The following ANKRD18A variants were observed in gnomAD, a reference collection of about 807,000 sequenced individuals.
The protein encoded by ANKRD18A is ankyrin repeat domain-containing protein 18A.
Under a neutral mutation model 110.6 loss-of-function variants are expected in ANKRD18A, and 72 were observed. The ratio of observed to expected loss-of-function variants is 0.65; its 90% CI spans 0.54 to 0.79. ANKRD18A has a LOEUF of 0.79. Ranked by LOEUF, ANKRD18A falls within the 30% of genes least tolerant of loss-of-function variation. ANKRD18A has a pLI of 0.00. For missense variants in ANKRD18A, 934 were observed against 1,163.3 expected, an observed-to-expected ratio of 0.80 and a Z score of 2.87; for synonymous variants, 305 against 410.3, an observed-to-expected ratio of 0.74 and a Z score of 3.10.
intron 8 of ANKRD18A, among the ~76,000 whole-genome samples, chr9:38,599,773 A>G (rs1825044551): frequency 6.6e-6 from 1 of 152,132 alleles, no homozygotes. Flanking sequence ...ATTGTAATGA[A>G]TTTTAAAGGA....
intron 11 of ANKRD18A, among the ~76,000 whole-genome samples, chr9:38,587,551 T>C (rs1412850371): frequency 6.6e-6 from 1 of 152,188 alleles, no homozygotes; most frequent in Non-Finnish European, 1.5e-5. Context: ...TTCCATGATA[T>C]GTTTTATATC....
chr9:38,603,223 T>A lies in ANKRD18A; in HGVS notation c.809-11A>T. ...TCATAGCTGCTGTTTCTGTCAAACA[T>A]GCAAACTTGTTAGATATTCCTTCTG... On this transcript the variant is annotated splice_polypyrimidine_tract_variant and intron_variant, in intron 6 of 15. Coordinates refer to ENST00000399703, the MANE Select transcript of ANKRD18A (RefSeq NM_147195.4). 6.4e-7 allele frequency: 1 copy of A among 1,551,034 alleles called. No individual in the cohort carries two copies. Among genetic ancestry groups the A allele is most frequent in the Non-Finnish European group, 8.7e-7 (1 of 1,146,578 alleles).
chr9:38,605,625 T>G (rs186820450), intron 6 of ANKRD18A, among the ~76,000 whole-genome samples: 1 of 151,982 alleles, frequency 6.6e-6, no homozygotes. Context: ...CAGAGTATGG[T>G]TTTTTTTGAG....
At chr9:38,600,858 GGAA>G (rs1455491405) in intron 8 of ANKRD18A, among the ~76,000 whole-genome samples, 1 of 152,026 alleles carries the variant, frequency 6.6e-6, no homozygotes, top group Non-Finnish European at 1.5e-5. Flanking sequence ...TTCTTTATCA[GGAA>G]GAAGATTATA....
chr9:38,613,972 A>C (rs1825746915), intron 3 of ANKRD18A, among the ~76,000 whole-genome samples: 1 of 152,222 alleles, frequency 6.6e-6, no homozygotes. Context: ...CATGGTGGGA[A>C]GCAAAAAGTG....
chr9:38,612,418 A>G (rs1825659503), intron 3 of ANKRD18A, among the ~76,000 whole-genome samples: 2 of 152,074 alleles, frequency 1.3e-5, no homozygotes, highest in Admixed American at 1.3e-4. Context: ...ATAAATCAGA[A>G]ATAAAAATAC....
intron 1 of ANKRD18A, among the ~76,000 whole-genome samples, chr9:38,618,505 T>C (rs1327731775): frequency 1.3e-5 from 2 of 152,356 alleles, no homozygotes; most frequent in African/African-American, 4.8e-5. Flanking sequence ...AAAGTGCATG[T>C]ATCTCTATTT....
chr9:38,575,384 G>A (rs1213356324), intron 15 of ANKRD18A, 92 bp downstream of exon 15: 31 of 1,283,820 alleles, frequency 2.4e-5, no homozygotes, highest in Non-Finnish European at 3.0e-5. Context: ...CTTAACATGC[G>A]TAAGTCAACA....
chr9:38,590,244 TTTTC>T (rs1016211152), intron 10 of ANKRD18A, among the ~76,000 whole-genome samples: 1 of 151,790 alleles, frequency 6.6e-6, no homozygotes, highest in African/African-American at 2.4e-5. Context: ...TTTGTCCATT[TTTTC>T]TTTTTCTTTT....
At chr9:38,610,154 T>A (rs1290570506) in intron 5 of ANKRD18A, 119 bp downstream of exon 5, 2 of 1,332,840 alleles carry the variant, frequency 1.5e-6, no homozygotes, top group Non-Finnish European at 2.0e-6. Context: ...ACTAACTTGT[T>A]GCCATTCCAA....
Position 38,596,332 on chromosome 9 carries a change from C to A in ANKRD18A, c.1008G>T (p.Met336Ile), listed in dbSNP as rs1824880526. The change falls in exon 9 of 16, where the codon ATG becomes ATT. Residue 336 changes from methionine to isoleucine, a missense_variant. Physicochemically the swap from Met to Ile is conservative, Grantham distance 10. This residue lies in a region of ANKRD18A where 630 missense variants were observed against 797.5 expected (regional missense o/e 0.79). Transcript: ENST00000399703. ...GNFMLKKDIAMLKEELYAIKN... is the reference protein window; with the variant it reads ...GNFMLKKDIAILKEELYAIKN... The stretch of plus-strand genomic sequence containing the variant: ...TTATTGCATATAATTCCTCTTTGAG[C>A]ATGGCAATGTCTTTCTTCAACATAA... 1.3e-6 allele frequency: 2 copies of A among 1,508,634 alleles called. No homozygotes were observed. The highest frequency in any genetic ancestry group is 2.8e-5 in the African/African-American group (2 of 70,758). The allele number at this position is 1,508,634 out of a possible 1,614,324, so 93.5% of individuals were successfully genotyped here.
At chr9:38,614,430 A>C (rs1825772976) in intron 3 of ANKRD18A, among the ~76,000 whole-genome samples, 1 of 152,064 alleles carries the variant, frequency 6.6e-6, no homozygotes, top group Non-Finnish European at 1.5e-5. Context: ...CTACAGGAAC[A>C]TGCCACAGTG....
At position 38,620,067 on chromosome 9, in the gene ANKRD18A, G is replaced by C. The variant is rs764408085; in HGVS notation, c.206+13C>G. On this transcript the variant is annotated intron_variant, in intron 1 of 15. Transcript: ENST00000399703. Reference sequence around the variant, plus strand: ...GCGGCCCCCTCCCACCGCGGGCTGAGTCCCCGAGCTACCTGTCTTTTCTGT... The same window carrying C: ...GCGGCCCCCTCCCACCGCGGGCTGACTCCCCGAGCTACCTGTCTTTTCTGT... The C allele has an allele frequency of 4.2e-5, 65 of 1,549,580 alleles. No homozygotes were observed. The South Asian group carries it at 7.5e-4, about 18-fold the overall frequency.
At chr9:38,577,529 T>A (rs1288875383) in intron 13 of ANKRD18A, among the ~76,000 whole-genome samples, 1 of 152,172 alleles carries the variant, frequency 6.6e-6, no homozygotes, top group Non-Finnish European at 1.5e-5. Context: ...TTTATAATTT[T>A]AAAAAGTGAA....
Position 38,603,346 on chromosome 9 carries a change from T to A in ANKRD18A, c.809-134A>T, listed in dbSNP as rs1410091393. 3.2e-6 allele frequency: 4 copies of A among 1,250,928 alleles called. No individual in the cohort carries two copies. The African/African-American group carries it at 6.2e-5, about 19-fold the overall frequency. 77.5% of individuals were successfully genotyped at this position (1,250,928 alleles called of 1,614,324 possible). ...CATCTTTTTTAGAAGCTTGCACTCA[T>A]CACCACAAATTTAAAAGTGAATGGC... On this transcript the variant is annotated intron_variant, in intron 6 of 15. Transcript: ENST00000399703.
chr9:38,617,311 G>A (rs373639230), intron 1 of ANKRD18A, among the ~76,000 whole-genome samples: 3 of 152,010 alleles, frequency 2.0e-5, no homozygotes, highest in Non-Finnish European at 4.4e-5. Flanking sequence ...GCGGTGGCAG[G>A]CACCTGTAAT....
chr9:38,605,224 A>G (rs1825300518), intron 6 of ANKRD18A, among the ~76,000 whole-genome samples: 1 of 152,236 alleles, frequency 6.6e-6, no homozygotes. Context: ...TGTATTTTGT[A>G]ACATTGGAAA....
chr9:38,587,896 T>C (rs1824453197), intron 11 of ANKRD18A, among the ~76,000 whole-genome samples: 1 of 152,184 alleles, frequency 6.6e-6, no homozygotes, highest in African/African-American at 2.4e-5. Context: ...GAGACCAGCC[T>C]GACCAACACA....
At chr9:38,616,391 T>A (rs1825856300) in intron 1 of ANKRD18A, among the ~76,000 whole-genome samples, 1 of 152,230 alleles carries the variant, frequency 6.6e-6, no homozygotes, top group South Asian at 2.1e-4. Flanking sequence ...CTGTGATGCT[T>A]AAATGAAAAT....
Sources: allele counts gnomAD v4.1 joint callset (sites outside exome capture counted in the v4.1 genomes callset), GRCh38; gene constraint gnomAD v4.1.1; regional missense constraint gnomAD v4.1.1; transcripts MANE v1.5; gene names NCBI Gene and HGNC (gene_info 2026-07-23, HGNC 2026-07-21).